GULP1: variants seen among roughly 807,000 people sequenced by gnomAD.
GULP1 encodes the protein GULP PTB domain containing engulfment adaptor 1.
A neutral mutation model predicts 40.9 loss-of-function variants in GULP1; 19 were observed. That is an observed-to-expected ratio of 0.46 (90% CI 0.32 to 0.68). GULP1 has a LOEUF of 0.68. Ranked by LOEUF, GULP1 falls within the 30% of genes least tolerant of loss-of-function variation. GULP1 has a pLI of 0.03. For synonymous variants in GULP1, 119 were observed against 117.6 expected, an observed-to-expected ratio of 1.01 and a Z score of -0.08; for missense variants, 312 against 362.2, an observed-to-expected ratio of 0.86 and a Z score of 1.12.
intron 6 of GULP1, among the ~76,000 whole-genome samples, chr2:188,531,467 A>T (rs1170876151): frequency 1.3e-5 from 2 of 152,308 alleles, no homozygotes; most frequent in South Asian, 4.1e-4. Context: ...ATTCCTTTAA[A>T]CTTTTCAAGA....
intron 7 of GULP1, among the ~76,000 whole-genome samples, chr2:188,560,507 A>G (rs149815265): frequency 8.9e-4 from 135 of 152,186 alleles, no homozygotes; most frequent in Admixed American, 1.4e-3. Flanking sequence ...AAGTCTTCCA[A>G]CCTCTGCCTG....
At chr2:188,526,177 C>A (rs78764460) in intron 5 of GULP1, among the ~76,000 whole-genome samples, 3,199 of 151,984 alleles carry the variant, frequency 0.021, 104 homozygotes, top group African/African-American at 0.074. Flanking sequence ...TATATTTAAC[C>A]AAATACTTTA....
chr2:188,563,685 ATTAAAAT>A (rs1696921989), intron 7 of GULP1, among the ~76,000 whole-genome samples: 1 of 151,816 alleles, frequency 6.6e-6, no homozygotes, highest in Admixed American at 6.6e-5. Context: ...TAGTTTCACT[ATTAAAAT>A]CTGTAAAACA....
At chr2:188,532,479 C>T (rs183766132) in intron 6 of GULP1, among the ~76,000 whole-genome samples, 146 of 152,180 alleles carry the variant, frequency 9.6e-4, no homozygotes, top group African/African-American at 3.2e-3. Context: ...TAAAGAGAGA[C>T]GAAAATGGAT....
At chr2:188,535,006 TTAA>T (rs1198277710) in intron 6 of GULP1, among the ~76,000 whole-genome samples, 1 of 151,292 alleles carries the variant, frequency 6.6e-6, no homozygotes, top group Non-Finnish European at 1.5e-5. Flanking sequence ...ACTTTAATAT[TTAA>T]TAATAAATTG....
At chr2:188,338,774 C>T (rs755470607) in intron 1 of GULP1, among the ~76,000 whole-genome samples, 1 of 152,120 alleles carries the variant, frequency 6.6e-6, no homozygotes, top group Non-Finnish European at 1.5e-5. Context: ...TTTCACCACT[C>T]CCATCTGTCC....
chr2:188,537,185 A>G (rs953837008), intron 6 of GULP1, among the ~76,000 whole-genome samples: 20 of 151,284 alleles, frequency 1.3e-4, no homozygotes, highest in African/African-American at 3.9e-4. Context: ...CTTTTTTTCT[A>G]CTGTCTGATT....
intron 2 of GULP1, among the ~76,000 whole-genome samples, chr2:188,445,832 A>G (rs549565520): frequency 6.6e-6 from 1 of 152,242 alleles, no homozygotes; most frequent in East Asian, 1.9e-4. Flanking sequence ...AGGTTTTCTA[A>G]TCTCTGGATG....
intron 2 of GULP1, among the ~76,000 whole-genome samples, chr2:188,386,867 G>T (rs543753660): frequency 6.6e-6 from 1 of 152,192 alleles, no homozygotes; most frequent in South Asian, 2.1e-4. Flanking sequence ...TTAAATTTTG[G>T]TTGCAGGCAG....
chr2:188,432,739 A>T (rs897837067), intron 2 of GULP1, among the ~76,000 whole-genome samples: 1 of 152,096 alleles, frequency 6.6e-6, no homozygotes, highest in Admixed American at 6.6e-5. Flanking sequence ...CAGCTTATTT[A>T]TTTAATATTT....
In GULP1 at chr2:188,582,291, C is replaced by G. The variant is rs991892599; in HGVS notation, c.610-1974C>G. 2.2e-5 allele frequency: 10 copies of G among 453,626 alleles called. No homozygotes were observed. The Admixed American group carries it at 2.4e-4, about 11-fold the overall frequency. 28.1% of individuals were successfully genotyped at this position (453,626 alleles called of 1,614,324 possible). A position where few individuals can be genotyped will look rare whatever the true frequency, so the allele number is the denominator to read the frequency against. ...AATTTCAAGTATACTTTCTCCTTTC[C>G]TCCATGCCTGCCCTCTTAGGATATT... is the stretch of plus-strand genomic sequence containing the variant. On this transcript the variant is annotated intron_variant, in intron 9 of 11. Coordinates refer to ENST00000409830, the MANE Select transcript of GULP1 (RefSeq NM_016315.4).
intron 2 of GULP1, among the ~76,000 whole-genome samples, chr2:188,457,251 C>G (rs1249796244): frequency 1.3e-5 from 2 of 152,014 alleles, no homozygotes; most frequent in Non-Finnish European, 2.9e-5. Context: ...TTGGGAGTGG[C>G]CAGGTGCCAA....
At chr2:188,519,528 C>T (rs1366584199) in intron 4 of GULP1, among the ~76,000 whole-genome samples, 1 of 152,140 alleles carries the variant, frequency 6.6e-6, no homozygotes, top group African/African-American at 2.4e-5. Flanking sequence ...AATCCTAGAC[C>T]ATCCACTAAT....
chr2:188,352,749 A>G (rs760979171), intron 1 of GULP1, among the ~76,000 whole-genome samples: 2 of 152,070 alleles, frequency 1.3e-5, no homozygotes, highest in Non-Finnish European at 2.9e-5. Flanking sequence ...ATTTGAATAC[A>G]TATCTTCAGT....
At chr2:188,521,662 T>G (rs1403941166) in intron 4 of GULP1, among the ~76,000 whole-genome samples, 1 of 152,116 alleles carries the variant, frequency 6.6e-6, no homozygotes, top group Non-Finnish European at 1.5e-5. Context: ...GTGACTCAAT[T>G]ACCTCCCACC....
intron 2 of GULP1, among the ~76,000 whole-genome samples, chr2:188,450,645 ACT>A (rs1230790086): frequency 6.6e-6 from 1 of 151,956 alleles, no homozygotes; most frequent in Non-Finnish European, 1.5e-5. Context: ...ACTTTCTTTG[ACT>A]CTCTTTCATT....
intron 2 of GULP1, among the ~76,000 whole-genome samples, chr2:188,416,102 C>T (rs1488905023): frequency 6.6e-6 from 1 of 152,070 alleles, no homozygotes; most frequent in African/African-American, 2.4e-5. Flanking sequence ...TCTAGCATTT[C>T]TTATTAAGCA....
At chr2:188,562,031 T>C (rs1290244623) in intron 7 of GULP1, among the ~76,000 whole-genome samples, 1 of 152,138 alleles carries the variant, frequency 6.6e-6, no homozygotes, top group African/African-American at 2.4e-5. Context: ...TCCCAGGTCA[T>C]GTCCTAGTCC....
chr2:188,514,040 A>AGTGAGTGTGTGTGTGTGT (rs1553577816), intron 4 of GULP1, among the ~76,000 whole-genome samples: 1 of 122,998 alleles, frequency 8.1e-6, no homozygotes, highest in East Asian at 2.8e-4. Flanking sequence ...TCCCCTTCTG[A>AGTGAGTGTGTGTGTGTGT]GTGTGTGTGT....
Sources: gnomAD v4.1 joint callset for allele counts (sites outside exome capture counted in the v4.1 genomes callset) on GRCh38, gnomAD v4.1.1 for gene constraint, MANE v1.5 for transcripts, NCBI Gene and HGNC (gene_info 2026-07-23, HGNC 2026-07-21) for gene names.